The following NRXN1 variants were observed in gnomAD, a reference collection of about 807,000 sequenced individuals.
The protein encoded by NRXN1 is neurexin-1.
Under a neutral mutation model 150.9 loss-of-function variants are expected in NRXN1, and 39 were observed. The observed-to-expected ratio is 0.26, with a 90% CI of 0.20 to 0.34. The LOEUF (loss-of-function observed/expected upper bound fraction) is 0.34, where lower values mean the gene tolerates loss of function less well. Ranked by LOEUF, NRXN1 falls within the 10% of genes least tolerant of loss-of-function variation. NRXN1 has a pLI of 1.00. For missense variants in NRXN1, 1,815 were observed against 1,949.9 expected (o/e 0.93, Z 1.30); for synonymous variants, 924 against 757.0 (o/e 1.22, Z -3.62).
intron 17 of NRXN1, among the ~76,000 whole-genome samples, chr2:50,261,675 A>G (rs1403569823): frequency 6.6e-6 from 1 of 151,922 alleles, no homozygotes; most frequent in Non-Finnish European, 1.5e-5. Context: ...TTTAATTTTG[A>G]AAGATATGTT....
chr2:49,965,383 C>G (rs62132445), intron 21 of NRXN1, among the ~76,000 whole-genome samples: 20,969 of 152,026 alleles, frequency 0.14, 1,831 homozygotes, highest in Admixed American at 0.23. Flanking sequence ...TATCTTGCCT[C>G]AGCCTCCCAA....
intron 5 of NRXN1, among the ~76,000 whole-genome samples, chr2:50,831,394 C>T (rs888417753): frequency 1.3e-5 from 2 of 152,156 alleles, no homozygotes; most frequent in African/African-American, 4.8e-5. Flanking sequence ...CCAATGTAAA[C>T]ATGTCTAATT....
intron 2 of NRXN1, among the ~76,000 whole-genome samples, chr2:50,940,417 G>C (rs1303038108): frequency 6.6e-6 from 1 of 150,526 alleles, no homozygotes; most frequent in Non-Finnish European, 1.5e-5. Context: ...GGAGGTTGCA[G>C]TGAACCAATA....
chr2:50,465,646 G>A, intron 16 of NRXN1, 85 bp from the exon 17 acceptor site: 1 of 1,393,972 alleles, frequency 7.2e-7, no homozygotes. Context: ...TGTAGTAGTT[G>A]CCAACACCAC....
intron 17 of NRXN1, among the ~76,000 whole-genome samples, chr2:50,371,151 C>T (rs1275250120): frequency 6.6e-6 from 1 of 151,984 alleles, no homozygotes; most frequent in Non-Finnish European, 1.5e-5. Flanking sequence ...AATGGACTCA[C>T]CCTGGTGCCC....
At chr2:50,411,966 C>A (rs1481884357) in intron 17 of NRXN1, among the ~76,000 whole-genome samples, 1 of 152,222 alleles carries the variant, frequency 6.6e-6, no homozygotes, top group African/African-American at 2.4e-5. Context: ...TTGTTCTGTA[C>A]TAAGAAAAAT....
intron 21 of NRXN1, among the ~76,000 whole-genome samples, chr2:49,953,729 C>T (rs1013906334): frequency 1.3e-5 from 2 of 151,826 alleles, no homozygotes; most frequent in Non-Finnish European, 2.9e-5. Context: ...TTAAGGGAGT[C>T]AAATTTCATA....
intron 17 of NRXN1, among the ~76,000 whole-genome samples, chr2:50,355,738 T>A (rs1047568076): frequency 4.2e-4 from 64 of 152,296 alleles, no homozygotes; most frequent in African/African-American, 1.3e-3. Flanking sequence ...TGTAGAATAT[T>A]ACAAATACCT....
At chr2:50,931,845 C>G (rs921154268) in intron 2 of NRXN1, among the ~76,000 whole-genome samples, 2 of 151,804 alleles carry the variant, frequency 1.3e-5, no homozygotes, top group African/African-American at 4.8e-5. Flanking sequence ...CCAGGAGGCT[C>G]TCGGGATTGA....
At chr2:50,394,941 A>G (rs2081965539) in intron 17 of NRXN1, among the ~76,000 whole-genome samples, 1 of 152,140 alleles carries the variant, frequency 6.6e-6, no homozygotes, top group East Asian at 1.9e-4. Flanking sequence ...TCACCAAGAC[A>G]GTCACATGAC....
At chr2:50,904,856 T>G (rs1183606681) in intron 5 of NRXN1, among the ~76,000 whole-genome samples, 3 of 152,158 alleles carry the variant, frequency 2.0e-5, no homozygotes, top group Non-Finnish European at 1.5e-5. Flanking sequence ...CTAAGATGAA[T>G]GTTATTCTCC....
chr2:50,907,672 G>T (rs1198439215), intron 5 of NRXN1, among the ~76,000 whole-genome samples: 1 of 151,974 alleles, frequency 6.6e-6, no homozygotes, highest in Non-Finnish European at 1.5e-5. Flanking sequence ...TCTGAGAGAT[G>T]CAAGGTTACT....
chr2:50,925,939 T>C lies in NRXN1; in HGVS notation c.789A>G (p.Glu263=), dbSNP rs1407081392. The change falls in exon 3 of 23, where the codon GAA becomes GAG. Residue 263 remains glutamate, a splice_region_variant and synonymous_variant. Coordinates refer to ENST00000401669, the MANE Select transcript of NRXN1 (RefSeq NM_001330078.2). ...AAAAATAAGGTAGAAAGCACCCACC[T>C]TCCACATTGTTGTCTTCTGAAAGCA... ...KDCSQEDNNV[E]GLAHLMMGDQ... The C allele has an allele frequency of 3.2e-6, 5 of 1,573,674 alleles. No homozygotes were observed. Among genetic ancestry groups the C allele is most frequent in the Non-Finnish European group, 4.3e-6 (5 of 1,157,962 alleles).
At chr2:50,152,812 C>T (rs891310903) in intron 18 of NRXN1, among the ~76,000 whole-genome samples, 1 of 151,644 alleles carries the variant, frequency 6.6e-6, no homozygotes, top group African/African-American at 2.4e-5. Flanking sequence ...CCTTTGAATT[C>T]ATCCTACTTT....
Position 50,620,177 on chromosome 2 carries a change from T to C in NRXN1, c.1165A>G (p.Ile389Val). 1.2e-6 allele frequency: 2 copies of C among 1,613,238 alleles called. No individual in the cohort carries two copies. Among genetic ancestry groups the C allele is most frequent in the Non-Finnish European group, 1.7e-6 (2 of 1,179,532 alleles). ...GTGGTAAGAATCCCATCCACTGATA[T>C]TGTCACCTAGATAACAAAGCACAGG... ...HSGIGHAMVTISVDGILTTTG... is the reference protein window; with the variant it reads ...HSGIGHAMVTVSVDGILTTTG... Residue 389 changes from isoleucine (I) to valine (V), a missense_variant, in exon 8 of 23, where the codon ATA (isoleucine) becomes GTA (valine). Around this residue, in one of 6 missense-constraint regions of NRXN1, gnomAD observed 638 missense variants for 652.6 expected, o/e 0.98. Coordinates refer to ENST00000401669, the MANE Select transcript of NRXN1 (RefSeq NM_001330078.2).
intron 17 of NRXN1, among the ~76,000 whole-genome samples, chr2:50,398,132 C>T (rs1433373961): frequency 1.3e-5 from 2 of 152,094 alleles, no homozygotes; most frequent in African/African-American, 4.8e-5. Flanking sequence ...CTGTTTTTCC[C>T]CTTTTAAGTG....
At chr2:50,576,297 T>C (rs916040045) in intron 8 of NRXN1, among the ~76,000 whole-genome samples, 1 of 152,198 alleles carries the variant, frequency 6.6e-6, no homozygotes, top group African/African-American at 2.4e-5. Context: ...TTTTTAGTTA[T>C]GGTAGTGACA....
chr2:50,731,080 A>G (rs1648880833), intron 5 of NRXN1, among the ~76,000 whole-genome samples: 1 of 152,170 alleles, frequency 6.6e-6, no homozygotes, highest in South Asian at 2.1e-4. Flanking sequence ...AACTTCTGAT[A>G]TTGATTTCTG....
intron 5 of NRXN1, among the ~76,000 whole-genome samples, chr2:50,736,695 C>T (rs1441249636): frequency 6.6e-6 from 1 of 152,098 alleles, no homozygotes; most frequent in African/African-American, 2.4e-5. Context: ...ATGCCTTTCG[C>T]CTTCTGCCAT....
Sources: gnomAD v4.1 joint callset for allele counts (sites outside exome capture counted in the v4.1 genomes callset) on GRCh38, gnomAD v4.1.1 for gene constraint, gnomAD v4.1.1 regional missense constraint, MANE v1.5 for transcripts, NCBI Gene and HGNC (gene_info 2026-07-23, HGNC 2026-07-21) for gene names.